PRCC: variants seen among roughly 807,000 people sequenced by gnomAD.
PRCC encodes proline-rich protein PRCC.
Under a neutral mutation model 44.0 loss-of-function variants are expected in PRCC, and 10 were observed. That is an observed-to-expected ratio of 0.23 (90% confidence interval 0.14 to 0.39). The LOEUF (loss-of-function observed/expected upper bound fraction) is 0.39. PRCC is among the 10% of genes least tolerant of loss of function. The probability of loss-of-function intolerance (pLI) is 1.00; values close to 1 mark genes in which losing one functional copy is unlikely to be tolerated. For missense variants in PRCC, 573 were observed against 624.7 expected, an observed-to-expected ratio of 0.92 and a Z score of 0.88; for synonymous variants, 278 against 259.5, an observed-to-expected ratio of 1.07 and a Z score of -0.69.
chr1:156,800,484 GGATCTCCTGCCAGCCCAGC>G lies in PRCC; in HGVS notation c.*25_*43del. On this transcript the variant is annotated 3_prime_UTR_variant, in exon 7 of 7. Coordinates refer to ENST00000271526, the MANE Select transcript of PRCC (RefSeq NM_005973.5). Reference sequence around the variant, plus strand: ...AGGGCTCTGGAACTGATTGCTCCCAGGATCTCCTGCCAGCCCAGCTGGCCTGGCCCCCAGCTTCACCTCT... The same window carrying G: ...AGGGCTCTGGAACTGATTGCTCCCAGTGGCCTGGCCCCCAGCTTCACCTCT... 1 of 1,613,210 alleles carries G rather than the reference GGATCTCCTGCCAGCCCAGC, an allele frequency of 6.2e-7. No homozygotes were observed. Among genetic ancestry groups the G allele is most frequent in the Non-Finnish European group, 8.5e-7 (1 of 1,179,250 alleles).
intron 4 of PRCC, among the ~76,000 whole-genome samples, chr1:156,793,275 A>G (rs1652553327): frequency 6.6e-6 from 1 of 152,154 alleles, no homozygotes; most frequent in Non-Finnish European, 1.5e-5. Context: ...GAACCCAGTT[A>G]GTGGCAAAAG....
chr1:156,774,881 G>T lies in PRCC; in HGVS notation c.468+6642G>T, dbSNP rs150556951. 2.6e-3 allele frequency among the ~76,000 whole-genome samples: 399 copies of T among 151,488 alleles called. 17 individuals carry two copies. In the East Asian group the frequency reaches 0.067, roughly 26 times the overall value. ...GCAGAGAATTGCTTGAACCCGGAAG[G>T]CAGAGGTTGCAGTGAGCCAAGATCG... On this transcript the variant is annotated intron_variant, in intron 1 of 6. Transcript: ENST00000271526.
chr1:156,793,742 G>C (rs1652568065), intron 4 of PRCC, among the ~76,000 whole-genome samples: 1 of 151,846 alleles, frequency 6.6e-6, no homozygotes, highest in Non-Finnish European at 1.5e-5. Context: ...TAGAGGCGAG[G>C]TCTTGCTGTG....
At chr1:156,796,471 T>C (rs1652664738) in intron 5 of PRCC, 1 of 152,134 alleles carries the variant, frequency 6.6e-6, no homozygotes, top group Non-Finnish European at 1.5e-5. Flanking sequence ...AGAGAGGAGT[T>C]TTGGGAGTTG....
intron 2 of PRCC, among the ~76,000 whole-genome samples, chr1:156,784,243 G>A (rs750127645): frequency 1.3e-5 from 2 of 152,118 alleles, no homozygotes; most frequent in South Asian, 2.1e-4. Flanking sequence ...CACCGCGCCC[G>A]GCCCTGGTGT....
intron 6 of PRCC, among the ~76,000 whole-genome samples, chr1:156,799,648 G>A (rs1652774152): frequency 6.6e-6 from 1 of 152,126 alleles, no homozygotes; most frequent in South Asian, 2.1e-4. Context: ...TTGAGAGTAG[G>A]ATATTATTTA....
At chr1:156,772,230 G>A (rs1302749064) in intron 1 of PRCC, among the ~76,000 whole-genome samples, 2 of 152,106 alleles carry the variant, frequency 1.3e-5, no homozygotes, top group African/African-American at 4.8e-5. Context: ...CCCACACCTT[G>A]GTTTTGATTT....
intron 3 of PRCC, among the ~76,000 whole-genome samples, chr1:156,787,450 GAT>G (rs57206380): frequency 3.2e-4 from 40 of 124,886 alleles, no homozygotes; most frequent in African/African-American, 1.1e-3. Context: ...ATTTGTGATT[GAT>G]ATATATATAT....
chr1:156,784,977 T>G (rs540097165), intron 2 of PRCC, among the ~76,000 whole-genome samples: 1 of 151,978 alleles, frequency 6.6e-6, no homozygotes, highest in South Asian at 2.1e-4. Flanking sequence ...TTGGGTAGGG[T>G]AGGGGACTTT....
intron 1 of PRCC, among the ~76,000 whole-genome samples, chr1:156,778,332 AG>A (rs1462310230): frequency 6.6e-6 from 1 of 152,194 alleles, no homozygotes; most frequent in African/African-American, 2.4e-5. Context: ...AACGTTCTCC[AG>A]TTCTATCCAT....
chr1:156,768,424 C>T (rs1053867713), intron 1 of PRCC, among the ~76,000 whole-genome samples, 185 bp downstream of exon 1: 5 of 152,152 alleles, frequency 3.3e-5, no homozygotes, highest in Admixed American at 3.3e-4. Context: ...GGGTGTTTGC[C>T]CATGTGGGTT....
intron 2 of PRCC, among the ~76,000 whole-genome samples, chr1:156,786,404 G>C (rs1652246013): frequency 2.6e-5 from 4 of 152,190 alleles, no homozygotes; most frequent in Admixed American, 2.0e-4. Flanking sequence ...CTCACCTTGG[G>C]AGAAGCAGCC....
chr1:156,791,238 T>A (rs1051717986), intron 3 of PRCC: 1 of 1,094,628 alleles, frequency 9.1e-7, no homozygotes, highest in Non-Finnish European at 1.3e-6. Context: ...TTAGACTGTT[T>A]CCCTGTATCC....
chr1:156,767,709 G>A lies in PRCC; in HGVS notation c.-63G>A, dbSNP rs1475760841. On this transcript the variant is annotated 5_prime_UTR_variant, in exon 1 of 7. Coordinates refer to ENST00000271526, the MANE Select transcript of PRCC (RefSeq NM_005973.5). The stretch of plus-strand genomic sequence containing the variant: ...GGTGGCGGGGCCTACTAGGCCTCCG[G>A]GCATCCCCGGTCTCAAGTAGGCCTC... 22 of 1,485,284 alleles carry A rather than the reference G, an allele frequency of 1.5e-5. No homozygotes were observed. The highest frequency in any genetic ancestry group is 6.3e-6 in the Non-Finnish European group (7 of 1,111,920). The allele number at this position is 1,485,284 out of a possible 1,614,324, so 92.0% of individuals were successfully genotyped here.
At chr1:156,785,374 C>T (rs1571585243) in intron 2 of PRCC, among the ~76,000 whole-genome samples, 1 of 151,846 alleles carries the variant, frequency 6.6e-6, no homozygotes, top group Admixed American at 6.6e-5. Flanking sequence ...GCCAGGCATG[C>T]GTGGTGGTGA....
intron 1 of PRCC, among the ~76,000 whole-genome samples, chr1:156,780,305 C>T (rs1051025944): frequency 2.0e-5 from 3 of 151,376 alleles, no homozygotes; most frequent in African/African-American, 4.9e-5. Flanking sequence ...GTAATCCTCC[C>T]GCCTTGGCCT....
chr1:156,782,250 G>A (rs762214715), intron 1 of PRCC, 32 bp from the exon 2 acceptor site: 4 of 1,564,916 alleles, frequency 2.6e-6, no homozygotes, highest in Non-Finnish European at 3.5e-6. Flanking sequence ...TCCTAAAACA[G>A]TGAGGCCTTA....
chr1:156,795,128 C>T (rs543711041), intron 5 of PRCC, among the ~76,000 whole-genome samples: 5 of 152,238 alleles, frequency 3.3e-5, no homozygotes, highest in African/African-American at 1.2e-4. Context: ...TCTTGCCGTA[C>T]AGTCAGATCC....
intron 1 of PRCC, among the ~76,000 whole-genome samples, chr1:156,771,260 G>A (rs1415906963): frequency 6.6e-6 from 1 of 152,220 alleles, no homozygotes; most frequent in Non-Finnish European, 1.5e-5. Context: ...AGAGAATGGG[G>A]CTAGAGAGAG....
Sources: gnomAD v4.1 joint callset for allele counts (sites outside exome capture counted in the v4.1 genomes callset) on GRCh38, gnomAD v4.1.1 for gene constraint, MANE v1.5 for transcripts, NCBI Gene and HGNC (gene_info 2026-07-23, HGNC 2026-07-21) for gene names.